Variants in ADAMTS17 observed in about 807,000 individuals in gnomAD.
ADAMTS17 encodes A disintegrin and metalloproteinase with thrombospondin motifs 17.
A neutral mutation model predicts 141.5 loss-of-function variants in ADAMTS17; 113 were observed. The observed-to-expected ratio is 0.80, with a 90% CI of 0.69 to 0.93. The LOEUF (loss-of-function observed/expected upper bound fraction) is 0.93, where lower values mean the gene tolerates loss of function less well. Among genes scored for constraint, ADAMTS17 ranks in the 40% least tolerant of loss-of-function variants. The pLI is 0.00. For missense variants in ADAMTS17, 1,659 were observed against 1,517.9 expected (o/e 1.09, Z -1.54); for synonymous variants, 768 against 630.6 (o/e 1.22, Z -3.27).
chr15:100,079,128 C>T (rs1327313133), intron 15 of ADAMTS17, among the ~76,000 whole-genome samples: 1 of 152,184 alleles, frequency 6.6e-6, no homozygotes, highest in Non-Finnish European at 1.5e-5. Flanking sequence ...GGTGCCGCCA[C>T]TTTGGAAAAG....
chr15:100,321,251 A>T (rs1350231640), intron 3 of ADAMTS17, among the ~76,000 whole-genome samples: 2 of 152,162 alleles, frequency 1.3e-5, no homozygotes, highest in Non-Finnish European at 2.9e-5. Context: ...AATTTTTTTT[A>T]AAAGTTGGTC....
At chr15:100,291,165 T>A (rs1596459958) in intron 3 of ADAMTS17, among the ~76,000 whole-genome samples, 2 of 151,838 alleles carry the variant, frequency 1.3e-5, no homozygotes, top group South Asian at 2.1e-4. Flanking sequence ...ACAAAACAAA[T>A]CCCATTAAAA....
At chr15:100,165,119 G>C (rs150725393) in intron 8 of ADAMTS17, among the ~76,000 whole-genome samples, 2 of 152,198 alleles carry the variant, frequency 1.3e-5, no homozygotes, top group Admixed American at 1.3e-4. Context: ...TAGGGCTGAA[G>C]CTCCTGCCAT....
At chr15:100,079,242 G>A (rs1314624788) in intron 15 of ADAMTS17, among the ~76,000 whole-genome samples, 1 of 152,014 alleles carries the variant, frequency 6.6e-6, no homozygotes, top group African/African-American at 2.4e-5. Context: ...ATGGTAACTC[G>A]TACACAAAAG....
chr15:100,124,653 T>C (rs1172266961), intron 12 of ADAMTS17, among the ~76,000 whole-genome samples: 1 of 152,230 alleles, frequency 6.6e-6, no homozygotes, highest in Non-Finnish European at 1.5e-5. Flanking sequence ...CCAACACACA[T>C]GCTCGACCGT....
chr15:100,115,628 C>T (rs980276886), intron 13 of ADAMTS17, among the ~76,000 whole-genome samples: 6 of 152,086 alleles, frequency 3.9e-5, no homozygotes, highest in Admixed American at 2.0e-4. Context: ...CAGAGATGCC[C>T]GGGCCCACCT....
rs1219620063 is a variant in ADAMTS17, at chr15:100,330,924, G to A, written c.581C>T (p.Ala194Val). The A allele has an allele frequency of 1.2e-6, 2 of 1,614,166 alleles. No homozygotes were observed. The highest frequency in any genetic ancestry group is 1.7e-6 in the Non-Finnish European group (2 of 1,180,036). Reference sequence around the variant, plus strand: ...CTTGCAGAGCTGCTCAGGTCTCTGGGCCTCAGCAGAAGGGCTGGGGGTCAA... The same window carrying A: ...CTTGCAGAGCTGCTCAGGTCTCTGGACCTCAGCAGAAGGGCTGGGGGTCAA... The part of the protein sequence containing the change: ...WSLTPSPSAE[A>V]QRPEQLCKVL... The change falls in exon 3 of 22, where the codon GCC becomes GTC. Residue 194 changes from alanine to valine, a missense_variant. Transcript: ENST00000268070.
intron 18 of ADAMTS17, among the ~76,000 whole-genome samples, chr15:100,038,020 C>T (rs1461897654): frequency 6.6e-6 from 1 of 152,168 alleles, no homozygotes; most frequent in Non-Finnish European, 1.5e-5. Flanking sequence ...AAGCAATCCT[C>T]TAAAGTGCTG....
chr15:100,296,834 A>G (rs1335109721), intron 3 of ADAMTS17, among the ~76,000 whole-genome samples: 1 of 152,254 alleles, frequency 6.6e-6, no homozygotes, highest in Non-Finnish European at 1.5e-5. Flanking sequence ...ACCTCTGCCT[A>G]TAGATGAAGT....
intron 8 of ADAMTS17, among the ~76,000 whole-genome samples, chr15:100,171,771 G>T (rs2040169531): frequency 6.6e-6 from 1 of 152,132 alleles, no homozygotes; most frequent in Admixed American, 6.5e-5. Flanking sequence ...CTCACCACAT[G>T]GAAGGGGCTG....
chr15:100,108,980 G>T lies in ADAMTS17; in HGVS notation c.2016+9C>A, dbSNP rs770425693. On this transcript the variant is annotated intron_variant, in intron 14 of 21. Transcript: ENST00000268070. ...AGCCCCACCAAGGACCGAAGGAGAA[G>T]TACGTCACCTGGCACTTGCCGTGCA... The T allele has an allele frequency of 6.2e-7, 1 of 1,613,672 alleles. No individual in the cohort carries two copies. The highest frequency in any genetic ancestry group is 8.5e-7 in the Non-Finnish European group (1 of 1,179,958).
intron 18 of ADAMTS17, among the ~76,000 whole-genome samples, chr15:99,998,848 C>T (rs748939504): frequency 2.6e-5 from 4 of 152,160 alleles, no homozygotes; most frequent in Admixed American, 6.5e-5. Context: ...ATAAACTCCT[C>T]GCTTCCAAGA....
At chr15:100,140,098 C>T (rs912835890) in intron 10 of ADAMTS17, among the ~76,000 whole-genome samples, 1 of 152,078 alleles carries the variant, frequency 6.6e-6, no homozygotes, top group Admixed American at 6.5e-5. Flanking sequence ...TGGGTTCAAG[C>T]GATTCTCCTG....
At chr15:100,205,458 C>G (rs1003397896) in intron 7 of ADAMTS17, among the ~76,000 whole-genome samples, 11 of 152,278 alleles carry the variant, frequency 7.2e-5, no homozygotes, top group African/African-American at 2.6e-4. Context: ...AGATATCGTG[C>G]AGATTACCCA....
intron 7 of ADAMTS17, among the ~76,000 whole-genome samples, chr15:100,215,540 C>A (rs756514654): frequency 2.6e-5 from 4 of 152,100 alleles, no homozygotes; most frequent in Non-Finnish European, 5.9e-5. Context: ...AAGTTGACAG[C>A]CCCTAAGATA....
intron 18 of ADAMTS17, among the ~76,000 whole-genome samples, chr15:100,014,165 T>C (rs761587513): frequency 6.6e-6 from 1 of 152,228 alleles, no homozygotes; most frequent in African/African-American, 2.4e-5. Flanking sequence ...TTCTAGTTTA[T>C]GTACATAAAG....
chr15:100,149,635 A>G (rs1014159359), intron 10 of ADAMTS17, among the ~76,000 whole-genome samples: 2 of 152,154 alleles, frequency 1.3e-5, no homozygotes, highest in African/African-American at 4.8e-5. Context: ...GAAATAGCCA[A>G]TCAGAATTAG....
chr15:100,121,450 G>A (rs1235899937), intron 12 of ADAMTS17, among the ~76,000 whole-genome samples: 1 of 152,118 alleles, frequency 6.6e-6, no homozygotes, highest in East Asian at 1.9e-4. Flanking sequence ...CACCAAGAGA[G>A]AAGTGACATA....
intron 14 of ADAMTS17, among the ~76,000 whole-genome samples, chr15:100,099,077 G>A (rs1324566735): frequency 6.6e-6 from 1 of 152,166 alleles, no homozygotes. Flanking sequence ...TGCCCCATTT[G>A]GTCCAGTTTC....
Sources: allele counts gnomAD v4.1 joint callset (sites outside exome capture counted in the v4.1 genomes callset), GRCh38; gene constraint gnomAD v4.1.1; transcripts MANE v1.5; gene names NCBI Gene and HGNC (gene_info 2026-07-23, HGNC 2026-07-21).